The following TRAPPC9 variants were observed in gnomAD, a reference collection of about 807,000 sequenced individuals.
TRAPPC9 encodes the protein IKK2 binding protein.
TRAPPC9 carries 83 observed loss-of-function variants against 124.0 expected under a neutral mutation model. The observed-to-expected ratio is 0.67, with a 90% CI of 0.56 to 0.80. TRAPPC9 has a LOEUF of 0.80. Ranked by LOEUF, TRAPPC9 falls within the 30% of genes least tolerant of loss-of-function variation. TRAPPC9 has a pLI of 0.00. For missense variants in TRAPPC9, 1,302 were observed against 1,508.3 expected (o/e 0.86, Z 2.27); for synonymous variants, 638 against 617.5 (o/e 1.03, Z -0.49).
At chr8:140,323,740 A>G (rs977130493) in intron 9 of TRAPPC9, among the ~76,000 whole-genome samples, 3 of 152,150 alleles carry the variant, frequency 2.0e-5, no homozygotes, top group Non-Finnish European at 4.4e-5. Flanking sequence ...AAAGGCATAA[A>G]AGGAGAAAAA....
At chr8:140,351,924 A>T (rs1291349294) in intron 9 of TRAPPC9, among the ~76,000 whole-genome samples, 1 of 152,178 alleles carries the variant, frequency 6.6e-6, no homozygotes, top group Non-Finnish European at 1.5e-5. Context: ...GTGCAATTCA[A>T]TGGTTTTGAG....
intron 5 of TRAPPC9, among the ~76,000 whole-genome samples, chr8:140,424,304 C>T (rs1483050011): frequency 4.7e-5 from 7 of 149,464 alleles, no homozygotes; most frequent in African/African-American, 1.7e-4. Flanking sequence ...GATCATTTTA[C>T]GTAAAGTAGT....
intron 17 of TRAPPC9, among the ~76,000 whole-genome samples, chr8:140,193,076 G>A (rs2062535264): frequency 6.6e-6 from 1 of 152,182 alleles, no homozygotes; most frequent in Admixed American, 6.5e-5. Flanking sequence ...CCAGCTGAAT[G>A]GCTGTTTAAA....
At chr8:139,791,269 A>G (rs1822642851) in intron 21 of TRAPPC9, among the ~76,000 whole-genome samples, 1 of 151,664 alleles carries the variant, frequency 6.6e-6, no homozygotes, top group Admixed American at 6.6e-5. Flanking sequence ...ACTCACACAC[A>G]CAGGCGCCCG....
chr8:140,438,518 G>A (rs1335188178), intron 3 of TRAPPC9, among the ~76,000 whole-genome samples: 1 of 152,170 alleles, frequency 6.6e-6, no homozygotes, highest in African/African-American at 2.4e-5. Context: ...AAGGGAAAGT[G>A]TGGGCAGGGC....
chr8:139,795,543 C>G (rs537302344), intron 21 of TRAPPC9, among the ~76,000 whole-genome samples: 14 of 96,050 alleles, frequency 1.5e-4, no homozygotes, highest in African/African-American at 6.0e-4. Flanking sequence ...GATCTGTAAT[C>G]AAAGCTGGGC....
At chr8:139,955,222 G>C (rs1459576062) in intron 19 of TRAPPC9, among the ~76,000 whole-genome samples, 2 of 152,156 alleles carry the variant, frequency 1.3e-5, no homozygotes, top group African/African-American at 2.4e-5. Flanking sequence ...CCCGTTTCTG[G>C]TAACAGTGAT....
rs73725374 is a variant in TRAPPC9, at chr8:140,024,225, C to T, written c.2557-146G>A. 10,616 of 1,034,874 alleles carry T rather than the reference C, an allele frequency of 0.01. 305 individuals are homozygous for T. Among genetic ancestry groups the T allele is most frequent in the African/African-American group, 0.085 (5,356 of 62,978 alleles). 64.1% of individuals were successfully genotyped at this position (1,034,874 alleles called of 1,614,324 possible). A position where few individuals can be genotyped will look rare whatever the true frequency, so the allele number is the denominator to read the frequency against. On this transcript the variant is annotated intron_variant, in intron 17 of 22. Transcript: ENST00000438773. ...ATCAGCATTGGCCGACTCACAACCC[C>T]GGCGGGTACCGACTCACACCCCCGG...
intron 21 of TRAPPC9, among the ~76,000 whole-genome samples, chr8:139,832,521 A>C (rs1457820248): frequency 6.6e-6 from 1 of 152,192 alleles, no homozygotes; most frequent in Non-Finnish European, 1.5e-5. Context: ...AGGGCCCAGC[A>C]GGAGGACCAT....
At chr8:139,842,691 A>T (rs1826812390) in intron 21 of TRAPPC9, among the ~76,000 whole-genome samples, 1 of 152,122 alleles carries the variant, frequency 6.6e-6, no homozygotes, top group Non-Finnish European at 1.5e-5. Context: ...GGCCTGTGGC[A>T]CAGAGAAGTG....
intron 17 of TRAPPC9, among the ~76,000 whole-genome samples, chr8:140,190,210 C>T (rs191930612): frequency 8.5e-5 from 13 of 152,266 alleles, no homozygotes; most frequent in Admixed American, 8.5e-4. Flanking sequence ...AATCCCAGCA[C>T]TTTGGGAGGC....
chr8:140,007,956 G>T (rs1019254636), intron 18 of TRAPPC9, among the ~76,000 whole-genome samples: 5 of 152,228 alleles, frequency 3.3e-5, no homozygotes, highest in Admixed American at 1.3e-4. Context: ...CAGTGCAGTT[G>T]CTTGGATAAC....
intron 21 of TRAPPC9, among the ~76,000 whole-genome samples, chr8:139,819,674 C>A (rs1825113651): frequency 6.6e-6 from 1 of 152,076 alleles, no homozygotes; most frequent in South Asian, 2.1e-4. Flanking sequence ...AAGAATCATC[C>A]ACCAGCACCA....
chr8:140,359,446 C>T (rs988048547), intron 9 of TRAPPC9, among the ~76,000 whole-genome samples: 1 of 152,152 alleles, frequency 6.6e-6, no homozygotes. Context: ...AAGATGAAGG[C>T]CAAGAAAGGA....
chr8:139,835,309 A>G (rs1826260208), intron 21 of TRAPPC9, among the ~76,000 whole-genome samples: 1 of 152,236 alleles, frequency 6.6e-6, no homozygotes, highest in Admixed American at 6.5e-5. Flanking sequence ...TTGTGCACAC[A>G]TTGCCTTTGA....
intron 18 of TRAPPC9, among the ~76,000 whole-genome samples, chr8:140,018,342 G>A (rs1414647276): frequency 6.4e-5 from 2 of 31,396 alleles, no homozygotes; most frequent in Non-Finnish European, 1.5e-4. Flanking sequence ...TTTTTTTTTT[G>A]AGACGGAGTC....
intron 17 of TRAPPC9, among the ~76,000 whole-genome samples, chr8:140,177,038 T>C (rs2062086551): frequency 6.6e-6 from 1 of 152,236 alleles, no homozygotes; most frequent in Admixed American, 6.5e-5. Context: ...ATGTCTATTC[T>C]GGATACAAGT....
At chr8:140,295,813 A>G (rs1176658139) in intron 11 of TRAPPC9, among the ~76,000 whole-genome samples, 1 of 152,260 alleles carries the variant, frequency 6.6e-6, no homozygotes, top group Admixed American at 6.5e-5. Context: ...AAGCTTCTGC[A>G]CAAGCACTCA....
chr8:140,050,667 AT>A (rs1016478181), intron 17 of TRAPPC9, among the ~76,000 whole-genome samples: 8 of 152,190 alleles, frequency 5.3e-5, no homozygotes, highest in African/African-American at 1.9e-4. Flanking sequence ...GGAAATGCTC[AT>A]GAAATGTCTA....
Sources: gnomAD v4.1 joint callset for allele counts (sites outside exome capture counted in the v4.1 genomes callset) on GRCh38, gnomAD v4.1.1 for gene constraint, MANE v1.5 for transcripts, NCBI Gene and HGNC (gene_info 2026-07-23, HGNC 2026-07-21) for gene names.